The following ATP5F1C variants were observed in gnomAD, a reference collection of about 807,000 sequenced individuals.
ATP5F1C encodes the protein ATP synthase F1 subunit gamma, also known as ATP synthase F(1) complex subunit gamma, mitochondrial.
Under a neutral mutation model 37.4 loss-of-function variants are expected in ATP5F1C, and 22 were observed. The observed-to-expected ratio is 0.59, with a 90% confidence interval of 0.42 to 0.84. ATP5F1C has a LOEUF of 0.84. Ranked by LOEUF, ATP5F1C falls within the 40% of genes least tolerant of loss-of-function variation. The probability of loss-of-function intolerance (pLI) is 0.00; values close to 1 mark genes in which losing one functional copy is unlikely to be tolerated. For missense variants in ATP5F1C, 286 were observed against 362.4 expected (o/e 0.79, Z 1.71); for synonymous variants, 121 against 128.0 (o/e 0.95, Z 0.37).
chr10:7,807,108 AT>A, intron 9 of ATP5F1C, 98 bp downstream of exon 9: 2 of 1,168,536 alleles, frequency 1.7e-6, no homozygotes, highest in Non-Finnish European at 2.4e-6. Flanking sequence ...CCTCTGAGAG[AT>A]TTAGATGGAT....
At chr10:7,792,378 CCT>C (rs1402749108) in intron 1 of ATP5F1C, among the ~76,000 whole-genome samples, 3 of 152,036 alleles carry the variant, frequency 2.0e-5, no homozygotes, top group African/African-American at 7.2e-5. Flanking sequence ...GGAGTGAGAC[CCT>C]GTCTTCAAAC....
At chr10:7,797,256 C>T in intron 3 of ATP5F1C, 78 bp downstream of exon 3, 1 of 1,551,832 alleles carries the variant, frequency 6.4e-7, no homozygotes, top group Non-Finnish European at 8.8e-7. Context: ...ACATTTAGAG[C>T]TTACAGTGAT....
chr10:7,800,588 G>A (rs185875738), intron 6 of ATP5F1C, among the ~76,000 whole-genome samples: 9 of 150,290 alleles, frequency 6.0e-5, no homozygotes, highest in African/African-American at 2.2e-4. Context: ...TTCGCCTCCC[G>A]GGTTCACGCC....
At chr10:7,799,274 C>T in intron 4 of ATP5F1C, 80 bp downstream of exon 4, 1 of 1,326,590 alleles carries the variant, frequency 7.5e-7, no homozygotes, top group East Asian at 2.5e-5. Flanking sequence ...GACAAACTCT[C>T]AAAACCTTCA....
Position 7,802,508 on chromosome 10 carries a change from A to T in ATP5F1C, c.793+83A>T, listed in dbSNP as rs1398074874. The stretch of plus-strand genomic sequence containing the variant: ...CAGCTGAGAGGAGTCCGTGGCCGAG[A>T]GTAGCATCAACAACATTAACATGAT... On this transcript the variant is annotated intron_variant, in intron 7 of 9. Transcript: ENST00000356708. 8.8e-6 allele frequency: 13 copies of T among 1,474,662 alleles called. 1 individual carries two copies. The highest frequency in any genetic ancestry group is 1.1e-5 in the Non-Finnish European group (12 of 1,091,654). The allele number at this position is 1,474,662 out of a possible 1,614,324, so 91.3% of individuals were successfully genotyped here.
intron 9 of ATP5F1C, 141 bp from the exon 10 acceptor site, chr10:7,807,518 A>T: frequency 1.0e-6 from 1 of 958,150 alleles, no homozygotes; most frequent in Non-Finnish European, 1.5e-6. Context: ...CCAAAATTTT[A>T]GAATCACTGG....
chr10:7,805,703 C>T (rs1139105), intron 8 of ATP5F1C, among the ~76,000 whole-genome samples: 51,041 of 142,404 alleles, frequency 0.36, 8,934 homozygotes, highest in South Asian at 0.45. Context: ...GCCGAGATTG[C>T]GCCACTGCAC....
chr10:7,802,671 CT>C (rs1836393358), intron 7 of ATP5F1C, 86 bp from the exon 8 acceptor site: 2 of 1,415,316 alleles, frequency 1.4e-6, no homozygotes, highest in African/African-American at 2.9e-5. Flanking sequence ...AAATTTCTTA[CT>C]TTTAAATTAA....
In ATP5F1C at chr10:7,788,229, G is replaced by A; in HGVS notation, c.22G>A (p.Ala8Thr). Residue 8 changes from alanine to threonine, a missense_variant, in exon 1 of 10, where the codon GCT becomes ACT. Coordinates refer to ENST00000356708, the MANE Select transcript of ATP5F1C (RefSeq NM_001001973.3). MFSRAGVAGLSAWTLQPQ... is the reference protein window; with the variant it reads MFSRAGVTGLSAWTLQPQ... The stretch of plus-strand genomic sequence containing the variant: ...TACCATGTTCTCTCGCGCGGGTGTC[G>A]CTGGGCTGTCGGCCTGGACCTTGCA... 6.2e-7 allele frequency: 1 copy of A among 1,613,508 alleles called. No individual in the cohort carries two copies.
In ATP5F1C at chr10:7,799,246, T is replaced by C. The variant is rs183060036; in HGVS notation, c.428+52T>C. 251 of 1,539,870 alleles carry C rather than the reference T, an allele frequency of 1.6e-4. 3 individuals are homozygous for C. The East Asian group carries it at 5.8e-3, about 36-fold the overall frequency. On this transcript the variant is annotated intron_variant, in intron 4 of 9. Transcript: ENST00000356708. ...TCATAAAGATGTAAGCACGAATAAA[T>C]CTTCTCTCAAAAGTTTTGACAAACT...
intron 7 of ATP5F1C, 94 bp downstream of exon 7, chr10:7,802,519 C>T: frequency 6.4e-6 from 9 of 1,398,264 alleles, no homozygotes; most frequent in Non-Finnish European, 8.8e-6. Context: ...GTAGCATCAA[C>T]AACATTAACA....
rs537971772 is a variant in ATP5F1C, at chr10:7,806,225, A to C, written c.891-749A>C. 4.1e-4 allele frequency among the ~76,000 whole-genome samples: 62 copies of C among 152,376 alleles called. 1 individual carries two copies. The South Asian group carries it at 0.013, about 31-fold the overall frequency. On this transcript the variant is annotated intron_variant, in intron 8 of 9. Coordinates refer to ENST00000356708, the MANE Select transcript of ATP5F1C (RefSeq NM_001001973.3). Reference sequence around the variant, plus strand: ...TGTAACCTATCAGTTATTCTGAATCAAGACTTGAATATTTAAACATACTTG... The same window carrying C: ...TGTAACCTATCAGTTATTCTGAATCCAGACTTGAATATTTAAACATACTTG...
At chr10:7,806,688 A>C (rs1388346003) in intron 8 of ATP5F1C, among the ~76,000 whole-genome samples, 5 of 151,928 alleles carry the variant, frequency 3.3e-5, no homozygotes, top group African/African-American at 1.2e-4. Context: ...ATATTGTGTT[A>C]ATTTATAGAA....
chr10:7,792,281 G>A (rs924142142), intron 1 of ATP5F1C, among the ~76,000 whole-genome samples: 4 of 151,944 alleles, frequency 2.6e-5, no homozygotes, highest in Admixed American at 6.6e-5. Context: ...AATATTTTTC[G>A]TGCTGTAGTG....
At chr10:7,799,298 A>G (rs1202825918) in intron 4 of ATP5F1C, 104 bp downstream of exon 4, 4 of 1,114,336 alleles carry the variant, frequency 3.6e-6, no homozygotes, top group African/African-American at 1.6e-5. Context: ...ATAACAAGGT[A>G]TATTCTTCAG....
intron 1 of ATP5F1C, among the ~76,000 whole-genome samples, chr10:7,789,043 C>G (rs1483498947): frequency 2.0e-5 from 3 of 151,758 alleles, no homozygotes; most frequent in Non-Finnish European, 4.4e-5. Context: ...CCACGAGCCT[C>G]GAGAATTTTA....
intron 4 of ATP5F1C, 75 bp from the exon 5 acceptor site, chr10:7,799,697 C>T (rs984591892): frequency 5.2e-6 from 8 of 1,546,414 alleles, no homozygotes; most frequent in Non-Finnish European, 7.0e-6. Flanking sequence ...ACAATGTTTT[C>T]TCCTGCCTGT....
rs1486453090 is a variant in ATP5F1C at position 7,798,977 on chromosome 10, G to C, written c.224-13G>C. On this transcript the variant is annotated splice_polypyrimidine_tract_variant and intron_variant, in intron 3 of 9. Coordinates refer to ENST00000356708, the MANE Select transcript of ATP5F1C (RefSeq NM_001001973.3). ...TGCATATAAAAAAATTACTGCTTTT[G>C]TTTGTTTTTAAGCTCTGTATGAAAA... The C allele has an allele frequency of 6.2e-7, 1 of 1,608,532 alleles. No individual in the cohort carries two copies. The highest frequency in any genetic ancestry group is 1.3e-5 in the African/African-American group (1 of 74,518).
Position 7,788,257 on chromosome 10 carries a change from C to T in ATP5F1C, c.50C>T (p.Pro17Leu), listed in dbSNP as rs1588493470. The part of the protein sequence containing the change: ...VAGLSAWTLQ[P>L]QWIQVRNMAT... ...GGGCTGTCGGCCTGGACCTTGCAGC[C>T]GCAATGGTATGGCAGCTTGCGGGAA... Residue 17 changes from proline to leucine, a missense_variant, in exon 1 of 10, where the codon CCG becomes CTG. Coordinates refer to ENST00000356708, the MANE Select transcript of ATP5F1C (RefSeq NM_001001973.3). 6.2e-7 allele frequency: 1 copy of T among 1,613,412 alleles called. No homozygotes were observed. The highest frequency in any genetic ancestry group is 8.5e-7 in the Non-Finnish European group (1 of 1,179,864).
Sources: gnomAD v4.1 joint callset for allele counts (sites outside exome capture counted in the v4.1 genomes callset) on GRCh38, gnomAD v4.1.1 for gene constraint, MANE v1.5 for transcripts, NCBI Gene and HGNC (gene_info 2026-07-23, HGNC 2026-07-21) for gene names.